The following SYN2 variants were observed in gnomAD, a reference collection of about 807,000 sequenced individuals.
SYN2 encodes synapsin II, also known as synapsin-2.
A neutral mutation model predicts 50.9 loss-of-function variants in SYN2; 19 were observed. The observed-to-expected ratio is 0.37, with a 90% CI of 0.26 to 0.55. SYN2 has a LOEUF of 0.55. SYN2 is among the 20% of genes least tolerant of loss of function. SYN2 has a pLI of 0.81. For missense variants in SYN2, 587 were observed against 576.4 expected (o/e 1.02, Z -0.19); for synonymous variants, 255 against 224.9 (o/e 1.13, Z -1.20).
At chr3:12,149,487 A>G (rs1402239583) in intron 4 of SYN2, among the ~76,000 whole-genome samples, 4 of 152,368 alleles carry the variant, frequency 2.6e-5, no homozygotes, top group Non-Finnish European at 5.9e-5. Flanking sequence ...GCAGGGTACA[A>G]TGGTGAATGC....
intron 7 of SYN2, among the ~76,000 whole-genome samples, chr3:12,166,270 T>C (rs1180605307): frequency 1.3e-5 from 2 of 152,232 alleles, no homozygotes; most frequent in Non-Finnish European, 2.9e-5. Context: ...AGCAGGACTC[T>C]TCTGTCCCCT....
At chr3:12,145,911 C>G in intron 4 of SYN2, 76 bp downstream of exon 4, 1 of 1,580,512 alleles carries the variant, frequency 6.3e-7, no homozygotes, top group South Asian at 1.1e-5. Context: ...AGCAGGGACT[C>G]AAGATGCAGT....
rs1442590777 is a variant in SYN2 at position 12,190,527 on chromosome 3, G to T, written c.1651G>T (p.Glu551Ter). The change falls in exon 13 of 13, where the codon GAG becomes TAG. Residue 551 changes from glutamate to a stop codon, truncating the protein, a stop_gained. Coordinates refer to ENST00000621198, the MANE Select transcript of SYN2 (RefSeq NM_133625.6). LOFTEE classifies it high-confidence loss of function. ...CCTGACAAATGCCTTCAGCTTCTCT[G>T]AGTCCTCCTTCTTCCGGTCTTCAGC... ...QSLTNAFSFS[E>*]SSFFRSSANE... The T allele has an allele frequency of 6.2e-7, 1 of 1,613,702 alleles. No homozygotes were observed. Among genetic ancestry groups the T allele is most frequent in the African/African-American group, 1.3e-5 (1 of 74,910 alleles).
intron 1 of SYN2, among the ~76,000 whole-genome samples, chr3:12,133,108 C>G (rs958664755): frequency 3.3e-5 from 5 of 152,210 alleles, no homozygotes; most frequent in African/African-American, 4.8e-5. Context: ...CCCATGCACT[C>G]TCTTCCACAT....
chr3:12,102,985 A>C (rs1309485712), intron 1 of SYN2, among the ~76,000 whole-genome samples: 1 of 152,144 alleles, frequency 6.6e-6, no homozygotes, highest in Non-Finnish European at 1.5e-5. Flanking sequence ...AATTATGAAC[A>C]CTTATTTAGA....
chr3:12,100,183 A>G (rs1171538487), intron 1 of SYN2, among the ~76,000 whole-genome samples: 1 of 152,162 alleles, frequency 6.6e-6, no homozygotes, highest in Non-Finnish European at 1.5e-5. Flanking sequence ...AATAGCCAGA[A>G]CAATCTGAAA....
chr3:12,189,376 T>G (rs1325683979), intron 12 of SYN2, among the ~76,000 whole-genome samples: 1 of 152,202 alleles, frequency 6.6e-6, no homozygotes, highest in Non-Finnish European at 1.5e-5. Context: ...GTTTGGATTT[T>G]CTCATTAGAA....
intron 1 of SYN2, among the ~76,000 whole-genome samples, chr3:12,096,098 A>G (rs964118845): frequency 6.6e-6 from 1 of 152,198 alleles, no homozygotes; most frequent in African/African-American, 2.4e-5. Context: ...CATGACATCT[A>G]ACTTGACACT....
At chr3:12,167,705 G>A (rs1431257583) in intron 8 of SYN2, among the ~76,000 whole-genome samples, 1 of 152,100 alleles carries the variant, frequency 6.6e-6, no homozygotes, top group East Asian at 1.9e-4. Flanking sequence ...TTGAAAATGT[G>A]GAATTGGCTT....
At chr3:12,156,274 T>C (rs1159182306) in intron 5 of SYN2, among the ~76,000 whole-genome samples, 5 of 152,256 alleles carry the variant, frequency 3.3e-5, no homozygotes, top group Non-Finnish European at 7.3e-5. Flanking sequence ...AACTACCAAA[T>C]AGTTCCGTTC....
chr3:12,159,841 G>A (rs544625983), intron 5 of SYN2, among the ~76,000 whole-genome samples: 5 of 151,918 alleles, frequency 3.3e-5, no homozygotes, highest in Admixed American at 6.6e-5. Flanking sequence ...TCAGGAGTTC[G>A]AGATCACCCT....
chr3:12,063,833 T>C (rs1695159795), intron 1 of SYN2, among the ~76,000 whole-genome samples: 1 of 151,812 alleles, frequency 6.6e-6, no homozygotes. Flanking sequence ...AAATAAATGA[T>C]TAAAGGGAGA....
chr3:12,098,693 A>C (rs1695999196), intron 1 of SYN2, among the ~76,000 whole-genome samples: 2 of 151,870 alleles, frequency 1.3e-5, no homozygotes, highest in African/African-American at 4.8e-5. Context: ...ACAAAATGTC[A>C]GATGTAATTC....
At chr3:12,107,932 C>T (rs911477946) in intron 1 of SYN2, among the ~76,000 whole-genome samples, 1 of 152,000 alleles carries the variant, frequency 6.6e-6, no homozygotes, top group Non-Finnish European at 1.5e-5. Context: ...TAAGGCCAGC[C>T]GTGCATGGTG....
At chr3:12,024,574 A>G (rs1694215120) in intron 1 of SYN2, among the ~76,000 whole-genome samples, 3 of 152,186 alleles carry the variant, frequency 2.0e-5, no homozygotes, top group Non-Finnish European at 4.4e-5. Context: ...CTTTTGTTTA[A>G]CATAATATTC....
chr3:12,157,527 G>T (rs752743671), intron 5 of SYN2: 1 of 1,569,188 alleles, frequency 6.4e-7, no homozygotes, highest in Admixed American at 1.7e-5. Context: ...GCTGGTGGGG[G>T]CAATACACCT....
chr3:12,162,198 A>C (rs371377485), intron 7 of SYN2, 44 bp downstream of exon 7: 55 of 1,599,300 alleles, frequency 3.4e-5, no homozygotes, highest in Non-Finnish European at 4.5e-5. Context: ...GATGATGGAA[A>C]AGCTGAGCCT....
chr3:12,125,854 A>T (rs1440856508), intron 1 of SYN2, among the ~76,000 whole-genome samples: 1 of 151,694 alleles, frequency 6.6e-6, no homozygotes, highest in Admixed American at 6.6e-5. Flanking sequence ...AAAAAAAAAA[A>T]AAACCCACAA....
intron 1 of SYN2, among the ~76,000 whole-genome samples, chr3:12,022,385 A>C (rs1574891520): frequency 6.6e-6 from 1 of 151,686 alleles, no homozygotes; most frequent in Non-Finnish European, 1.5e-5. Context: ...AATCTTGGAG[A>C]CCTCTAGGAA....
Sources: gnomAD v4.1 joint callset for allele counts (sites outside exome capture counted in the v4.1 genomes callset) on GRCh38, gnomAD v4.1.1 for gene constraint, MANE v1.5 for transcripts, NCBI Gene and HGNC (gene_info 2026-07-23, HGNC 2026-07-21) for gene names.